The following BBS7 variants were observed in gnomAD, a reference collection of about 807,000 sequenced individuals.
BBS7 encodes BBSome complex member BBS7.
In BBS7, 50 loss-of-function variants were observed where a neutral mutation model predicts 90.3. The observed-to-expected ratio is 0.55, with a 90% confidence interval of 0.44 to 0.70. The LOEUF (loss-of-function observed/expected upper bound fraction) is 0.70, where lower values mean the gene tolerates loss of function less well. BBS7 is among the 30% of genes least tolerant of loss of function. The pLI is 0.00. For synonymous variants in BBS7, 235 were observed against 287.4 expected, an observed-to-expected ratio of 0.82 and a Z score of 1.85; for missense variants, 729 against 838.9, an observed-to-expected ratio of 0.87 and a Z score of 1.62.
In BBS7 at chr4:121,835,168, C is replaced by A. The variant is rs750133083; in HGVS notation, c.1487G>T (p.Arg496Ile). The stretch of plus-strand genomic sequence containing the variant: ...CCTGTCATGATCAATAAAGTGAGTT[C>A]TTTGATGGAGTGAAAGAGGTTTGAT... ...YHIKPLSLHQ[R>I]THFIDHDRPM... The change falls in exon 14 of 19, where the codon AGA becomes ATA. Residue 496 changes from arginine (R) to isoleucine (I), a missense_variant. By Grantham distance (97) the Arg-to-Ile change is moderately conservative. Coordinates refer to ENST00000264499, the MANE Select transcript of BBS7 (RefSeq NM_176824.3). 3.1e-6 allele frequency: 5 copies of A among 1,613,818 alleles called. No homozygotes were observed. The highest frequency in any genetic ancestry group is 4.2e-6 in the Non-Finnish European group (5 of 1,179,820).
chr4:121,850,475 G>A (rs561165701), intron 8 of BBS7, among the ~76,000 whole-genome samples: 124 of 152,204 alleles, frequency 8.1e-4, no homozygotes, highest in Middle Eastern at 3.4e-3. Context: ...CAGAAACTGT[G>A]TTTTTAACTA....
intron 4 of BBS7, among the ~76,000 whole-genome samples, chr4:121,859,725 T>G (rs1482193183): frequency 6.6e-6 from 1 of 152,054 alleles, no homozygotes; most frequent in African/African-American, 2.4e-5. Flanking sequence ...CCTGAAAAAG[T>G]CTATTTTAAG....
chr4:121,859,538 T>C (rs1363386700), intron 4 of BBS7, among the ~76,000 whole-genome samples: 3 of 152,302 alleles, frequency 2.0e-5, no homozygotes, highest in Non-Finnish European at 2.9e-5. Context: ...GTGATTTTTA[T>C]GTATTAGATC....
chr4:121,869,777 G>A (rs1727483992), intron 1 of BBS7, among the ~76,000 whole-genome samples: 1 of 152,182 alleles, frequency 6.6e-6, no homozygotes, highest in Non-Finnish European at 1.5e-5. Flanking sequence ...GACCTTAGGT[G>A]ATCCGCCCGC....
intron 15 of BBS7, among the ~76,000 whole-genome samples, chr4:121,829,525 T>A (rs1434773613): frequency 6.6e-6 from 1 of 152,112 alleles, no homozygotes; most frequent in East Asian, 1.9e-4. Context: ...CATGAGCTAC[T>A]GAGATTACAG....
intron 3 of BBS7, among the ~76,000 whole-genome samples, chr4:121,862,081 C>T (rs778961204): frequency 1.3e-5 from 2 of 152,120 alleles, no homozygotes; most frequent in African/African-American, 2.4e-5. Context: ...CTCCTACGAA[C>T]AGGGAAGTCC....
At chr4:121,858,682 G>T (rs548120766) in intron 5 of BBS7, 1 of 265,356 alleles carries the variant, frequency 3.8e-6, no homozygotes, top group East Asian at 9.3e-5. Context: ...GATGGAAGAA[G>T]AAAACAAAAC....
At chr4:121,847,035 G>A (rs958982766) in intron 10 of BBS7, among the ~76,000 whole-genome samples, 1 of 152,000 alleles carries the variant, frequency 6.6e-6, no homozygotes, top group Non-Finnish European at 1.5e-5. Context: ...GGGTCCACAG[G>A]AACAGCAAAC....
In BBS7 at chr4:121,860,905, T is replaced by C. The variant is rs186666902; in HGVS notation, c.341+599A>G. Reference sequence around the variant, plus strand: ...TAAAACCTACTCCTGGTTATTTTGATTCGGCAGGTATGAGGTAGGACAAGG... The same window carrying C: ...TAAAACCTACTCCTGGTTATTTTGACTCGGCAGGTATGAGGTAGGACAAGG... On this transcript the variant is annotated intron_variant, in intron 4 of 18. Transcript: ENST00000264499. Among the ~76,000 whole-genome samples the C allele has an allele frequency of 3.3e-5, 5 of 152,308 alleles. No homozygotes were observed. The East Asian group carries it at 9.6e-4, about 29-fold the overall frequency.
At position 121,837,329 on chromosome 4, in the gene BBS7, T is replaced by C. The variant is rs1725509066; in HGVS notation, c.1372-2046A>G. Among the ~76,000 whole-genome samples, 3 of 152,296 alleles carry C rather than the reference T, an allele frequency of 2.0e-5. No homozygotes were observed. In the South Asian group the frequency reaches 6.2e-4, roughly 32 times the overall value. On this transcript the variant is annotated intron_variant, in intron 13 of 18. Coordinates refer to ENST00000264499, the MANE Select transcript of BBS7 (RefSeq NM_176824.3). ...ATTTTCCTTACTCGGTGGTTTTTAT[T>C]GTAACAGTAGGCTGTTTATATGTTA...
intron 13 of BBS7, among the ~76,000 whole-genome samples, chr4:121,839,289 G>A (rs533453880): frequency 7.6e-4 from 116 of 152,100 alleles, no homozygotes; most frequent in Non-Finnish European, 1.1e-3. Flanking sequence ...ATTTTAGGCC[G>A]GGCATGGTGG....
In BBS7 at chr4:121,870,314, G is replaced by C. The variant is rs769437969; in HGVS notation, c.-1C>G. The C allele has an allele frequency of 6.2e-7, 1 of 1,614,052 alleles. No individual in the cohort carries two copies. The highest frequency in any genetic ancestry group is 1.1e-5 in the South Asian group (1 of 91,094). ...CCATTCGGTTTAAAATCAGATCCAT[G>C]ATGACTACGCGGAGGGGCTAAGCAG... is the stretch of plus-strand genomic sequence containing the variant. On this transcript the variant is annotated 5_prime_UTR_variant, in exon 1 of 19. The change creates a new upstream start codon in the 5' untranslated region. Coordinates refer to ENST00000264499, the MANE Select transcript of BBS7 (RefSeq NM_176824.3).
In BBS7 at chr4:121,828,336, T is replaced by C; in HGVS notation, c.1890+66A>G. ...TCAATCCAATGTAATGTTAAAGTAT[T>C]GATAATTTTAGAAATCCTATGACTT... On this transcript the variant is annotated intron_variant, in intron 17 of 18. Coordinates refer to ENST00000264499, the MANE Select transcript of BBS7 (RefSeq NM_176824.3). The C allele has an allele frequency of 1.9e-6, 3 of 1,592,742 alleles. No individual in the cohort carries two copies. The South Asian group carries it at 3.3e-5, about 18-fold the overall frequency.
intron 1 of BBS7, among the ~76,000 whole-genome samples, chr4:121,869,687 C>T (rs1322859237): frequency 1.3e-5 from 2 of 152,118 alleles, no homozygotes; most frequent in African/African-American, 4.8e-5. Context: ...TACAGGCGCC[C>T]GCCACCACAC....
chr4:121,841,397 A>C (rs1467486757), intron 12 of BBS7, among the ~76,000 whole-genome samples: 1 of 152,002 alleles, frequency 6.6e-6, no homozygotes, highest in Non-Finnish European at 1.5e-5. Context: ...TTTCTACAAA[A>C]AATAAAAAAT....
chr4:121,847,583 A>G (rs977552105), intron 9 of BBS7, 77 bp from the exon 10 acceptor site: 16 of 1,026,358 alleles, frequency 1.6e-5, no homozygotes, highest in Non-Finnish European at 2.5e-5. Flanking sequence ...TGTATAGCAG[A>G]AACTCCAATG....
rs750691939 is a variant in BBS7 at position 121,854,771 on chromosome 4, C to T, written c.651G>A (p.Ala217=). 5.0e-6 allele frequency: 8 copies of T among 1,612,584 alleles called. No homozygotes were observed. The highest frequency in any genetic ancestry group is 6.8e-6 in the Non-Finnish European group (8 of 1,179,166). Residue 217 remains alanine, a synonymous_variant, in exon 7 of 19, where the codon GCG becomes GCA. Transcript: ENST00000264499. ...GTTTGGATGTAGTAATCTGTATAAG[C>T]GCAAGTTTTCCGTCTGATGTCCCAA... ...LLFGTSDGKL[A]LIQITTSKPV...
intron 1 of BBS7, 143 bp from the exon 2 acceptor site, chr4:121,868,189 T>TAGAA: frequency 1.3e-6 from 1 of 746,578 alleles, no homozygotes; most frequent in Non-Finnish European, 2.4e-6. Context: ...ATGAGATATG[T>TAGAA]CATATTAGTC....
Position 121,865,241 on chromosome 4 carries a change from CTT to C in BBS7, c.103-1964_103-1963del, listed in dbSNP as rs35421537. Among the ~76,000 whole-genome samples, 749 of 142,542 alleles carry C rather than the reference CTT, an allele frequency of 5.3e-3. 3 individuals are homozygous for C. The highest frequency in any genetic ancestry group is 6.3e-3 in the Non-Finnish European group (412 of 64,882). The allele number at this position is 142,542 out of a possible 152,430, so 93.5% of individuals were successfully genotyped here. A position where few individuals can be genotyped will look rare whatever the true frequency, so the allele number is the denominator to read the frequency against. On this transcript the variant is annotated intron_variant, in intron 2 of 18. Coordinates refer to ENST00000264499, the MANE Select transcript of BBS7 (RefSeq NM_176824.3). ...ATGATAGGATTTCATTCTTCTCTCT[CTT>C]TTTTTTTTTTTTGAGACAGAGTTTT...
Sources: gnomAD v4.1 joint callset for allele counts (sites outside exome capture counted in the v4.1 genomes callset) on GRCh38, gnomAD v4.1.1 for gene constraint, MANE v1.5 for transcripts, NCBI Gene and HGNC (gene_info 2026-07-23, HGNC 2026-07-21) for gene names.